Variants in FBN1 observed in about 807,000 individuals in gnomAD.
FBN1 encodes the protein fibrillin-1.
Under a neutral mutation model 365.1 loss-of-function variants are expected in FBN1, and 29 were observed. That is an observed-to-expected ratio of 0.08 (90% CI 0.06 to 0.11). The LOEUF is 0.11. FBN1 is among the 10% of genes least tolerant of loss of function. The pLI is 1.00. For missense variants in FBN1, 2,476 were observed against 3,703.2 expected (o/e 0.67, Z 8.60); for synonymous variants, 1,210 against 1,270.5 (o/e 0.95, Z 1.01).
At chr15:48,580,210 A>C (rs982893205) in intron 6 of FBN1, among the ~76,000 whole-genome samples, 1 of 152,184 alleles carries the variant, frequency 6.6e-6, no homozygotes, top group Non-Finnish European at 1.5e-5. Flanking sequence ...GTCATCATGC[A>C]TGCACTAGGA....
At chr15:48,579,951 T>C (rs1046797602) in intron 6 of FBN1, among the ~76,000 whole-genome samples, 2 of 152,200 alleles carry the variant, frequency 1.3e-5, no homozygotes, top group Non-Finnish European at 2.9e-5. Flanking sequence ...CCAGAGTCAG[T>C]GGAGAGCTAC....
At chr15:48,476,610 CTTTTTTT>C (rs56969171) in intron 32 of FBN1, 8 of 120,028 alleles carry the variant, frequency 6.7e-5, no homozygotes, top group African/African-American at 1.2e-4. Flanking sequence ...CTTTTCTTTT[CTTTTTTT>C]TTTTTTTTTT....
At chr15:48,628,950 C>A (rs1290425251) in intron 2 of FBN1, among the ~76,000 whole-genome samples, 1 of 152,166 alleles carries the variant, frequency 6.6e-6, no homozygotes, top group Non-Finnish European at 1.5e-5. Context: ...CTAGCTCTAA[C>A]TAGCAATTCA....
At chr15:48,588,657 G>A (rs955926562) in intron 6 of FBN1, among the ~76,000 whole-genome samples, 10 of 152,252 alleles carry the variant, frequency 6.6e-5, no homozygotes, top group East Asian at 1.9e-4. Context: ...TAAGTCAAGT[G>A]TGATATTTTG....
intron 4 of FBN1, among the ~76,000 whole-genome samples, chr15:48,601,029 C>CT (rs1469281233): frequency 6.6e-6 from 1 of 152,196 alleles, no homozygotes; most frequent in East Asian, 1.9e-4. Context: ...ACAACACTGC[C>CT]TGACGACAGG....
At chr15:48,470,978 G>A (rs540071866) in intron 35 of FBN1, among the ~76,000 whole-genome samples, 39 of 152,106 alleles carry the variant, frequency 2.6e-4, no homozygotes, top group East Asian at 1.2e-3. Flanking sequence ...GCCAAGCAGC[G>A]GGCTGAGCAT....
intron 6 of FBN1, among the ~76,000 whole-genome samples, chr15:48,552,049 T>C (rs1488067172): frequency 6.6e-6 from 1 of 152,198 alleles, no homozygotes; most frequent in African/African-American, 2.4e-5. Flanking sequence ...TCAAATGGTA[T>C]TTCTGTAATT....
intron 17 of FBN1, 92 bp downstream of exon 17, chr15:48,503,695 A>T (rs2043682614): frequency 6.4e-7 from 1 of 1,572,892 alleles, no homozygotes; most frequent in African/African-American, 1.3e-5. Context: ...TGGAGAGCAA[A>T]ATGTCATCTT....
At chr15:48,521,405 G>A (rs2043853803) in intron 9 of FBN1, among the ~76,000 whole-genome samples, 1 of 151,988 alleles carries the variant, frequency 6.6e-6, no homozygotes, top group Non-Finnish European at 1.5e-5. Flanking sequence ...TTTGTCTTAG[G>A]GCCCTAACAG....
rs2044668857 is a variant in FBN1 at position 48,613,031 on chromosome 15, C to G, written c.226G>C (p.Gly76Arg). The change falls in exon 3 of 66, where the codon GGC becomes CGC. Residue 76 changes from glycine to arginine, a missense_variant. Gly to Arg is a moderately radical substitution (Grantham distance 125). Transcript: ENST00000316623. ...YCCPGWKTLP[G>R]GNQCIVPICR... ...TTACGGACAATACACTGATTTCCGC[C>G]AGGTAAGGTTTTCCATCCAGGGCAA... 6.2e-7 allele frequency: 1 copy of G among 1,613,410 alleles called. No homozygotes were observed. Among genetic ancestry groups the G allele is most frequent in the East Asian group, 2.2e-5 (1 of 44,866 alleles).
intron 18 of FBN1, 105 bp from the exon 19 acceptor site, chr15:48,497,496 A>G: frequency 1.8e-6 from 2 of 1,132,782 alleles, no homozygotes; most frequent in East Asian, 2.6e-5. Flanking sequence ...TAGGAGCTAC[A>G]GGAGGAAAAA....
chr15:48,574,552 T>A (rs1411113330), intron 6 of FBN1, among the ~76,000 whole-genome samples: 2 of 151,908 alleles, frequency 1.3e-5, no homozygotes, highest in Non-Finnish European at 2.9e-5. Context: ...AATATAACTC[T>A]TACTTGCCCA....
rs111621810 is a variant in FBN1 at position 48,526,527 on chromosome 15, A to G, written c.863-272T>C. Among the ~76,000 whole-genome samples the G allele has an allele frequency of 6.7e-3, 1,018 of 152,368 alleles. 9 individuals are homozygous for G. The highest frequency in any genetic ancestry group is 0.023 in the African/African-American group (969 of 41,592). On this transcript the variant is annotated intron_variant, in intron 8 of 65. Transcript: ENST00000316623. ...TAAACCTGTGTACTGTTGTTTCACC[A>G]AGTAACTATAGCATGTTAATGTTAC...
At chr15:48,541,347 T>G (rs374488660) in intron 6 of FBN1, among the ~76,000 whole-genome samples, 1 of 152,184 alleles carries the variant, frequency 6.6e-6, no homozygotes, top group African/African-American at 2.4e-5. Flanking sequence ...ATAGACAAAG[T>G]TATTTTGGAA....
At chr15:48,576,211 G>A (rs1332564233) in intron 6 of FBN1, among the ~76,000 whole-genome samples, 1 of 152,112 alleles carries the variant, frequency 6.6e-6, no homozygotes, top group Non-Finnish European at 1.5e-5. Flanking sequence ...TGAACTACCT[G>A]CCGTTTCCCT....
chr15:48,500,015 T>A (rs1305454235), intron 17 of FBN1, among the ~76,000 whole-genome samples: 1 of 152,164 alleles, frequency 6.6e-6, no homozygotes, highest in Non-Finnish European at 1.5e-5. Flanking sequence ...GTAAATGAGT[T>A]ATACAACCAA....
intron 6 of FBN1, among the ~76,000 whole-genome samples, chr15:48,569,155 A>G (rs778496527): frequency 6.6e-6 from 1 of 152,142 alleles, no homozygotes; most frequent in Non-Finnish European, 1.5e-5. Context: ...ACCCAATTTT[A>G]AAAGCCGGCA....
chr15:48,439,382 C>T (rs1036110163), intron 50 of FBN1, among the ~76,000 whole-genome samples: 6 of 152,196 alleles, frequency 3.9e-5, no homozygotes, highest in African/African-American at 1.4e-4. Flanking sequence ...AAAAGTCAAT[C>T]CTGCGGCATC....
In FBN1 at chr15:48,415,788, G is replaced by A. The variant is rs363842; in HGVS notation, c.7820-21C>T. ...TTCATCTGCAGGCAAAATAAGAAGCGGCATGTGTGGCAGCAGCCAGAGATT... is the reference window on the plus strand; with the variant it reads ...TTCATCTGCAGGCAAAATAAGAAGCAGCATGTGTGGCAGCAGCCAGAGATT... On this transcript the variant is annotated intron_variant, in intron 63 of 65. Coordinates refer to ENST00000316623, the MANE Select transcript of FBN1 (RefSeq NM_000138.5). The A allele has an allele frequency of 2.1e-3, 3,328 of 1,581,884 alleles. 9 individuals are homozygous for A. The highest frequency in any genetic ancestry group is 3.8e-3 in the South Asian group (348 of 90,400).
Sources: gnomAD v4.1 joint callset for allele counts (sites outside exome capture counted in the v4.1 genomes callset) on GRCh38, gnomAD v4.1.1 for gene constraint, MANE v1.5 for transcripts, NCBI Gene and HGNC (gene_info 2026-07-23, HGNC 2026-07-21) for gene names.